Variants in RBFOX1 observed in about 807,000 individuals in gnomAD.
RBFOX1 encodes the protein RNA binding fox-1 homolog 1.
A neutral mutation model predicts 57.7 loss-of-function variants in RBFOX1; 8 were observed. That is an observed-to-expected ratio of 0.14 (90% CI 0.08 to 0.25). The LOEUF (loss-of-function observed/expected upper bound fraction) is 0.25. RBFOX1 is among the 10% of genes least tolerant of loss of function. The pLI is 1.00. For synonymous variants in RBFOX1, 326 were observed against 222.4 expected, an observed-to-expected ratio of 1.47 and a Z score of -4.15; for missense variants, 611 against 548.5, an observed-to-expected ratio of 1.11 and a Z score of -1.14.
At chr16:7,121,622 G>A (rs575947930) in intron 4 of RBFOX1, among the ~76,000 whole-genome samples, 2 of 152,050 alleles carry the variant, frequency 1.3e-5, no homozygotes, top group East Asian at 3.9e-4. Context: ...TATTAATTCT[G>A]TACAAATTGG....
intron 1 of RBFOX1, among the ~76,000 whole-genome samples, chr16:6,181,817 G>A (rs1198283220): frequency 1.3e-5 from 2 of 152,124 alleles, no homozygotes; most frequent in Non-Finnish European, 1.5e-5. Flanking sequence ...TAATTAAGAT[G>A]TATTTCTTCC....
chr16:7,544,178 A>G (rs1236598487), intron 5 of RBFOX1, among the ~76,000 whole-genome samples: 2 of 152,214 alleles, frequency 1.3e-5, no homozygotes, highest in Non-Finnish European at 2.9e-5. Context: ...TTGCTACATT[A>G]TATTTCACAC....
In RBFOX1 at chr16:7,474,689, G is replaced by A. The variant is rs539136499; in HGVS notation, c.28-43458G>A. 1.4e-4 allele frequency among the ~76,000 whole-genome samples: 21 copies of A among 152,298 alleles called. No individual in the cohort carries two copies. In the South Asian group the frequency reaches 3.3e-3, roughly 24 times the overall value. ...ACTTGTGTAACTCTGGGTAAGTTAC[G>A]AATATGCTTTCCCTTTCCAGTTCTT... On this transcript the variant is annotated intron_variant, in intron 4 of 15. Coordinates refer to ENST00000550418, the MANE Select transcript of RBFOX1 (RefSeq NM_018723.4).
At chr16:7,145,366 G>C (rs1462775741) in intron 4 of RBFOX1, among the ~76,000 whole-genome samples, 1 of 151,950 alleles carries the variant, frequency 6.6e-6, no homozygotes, top group Admixed American at 6.6e-5. Context: ...CACCACATCT[G>C]GTTCATTTTT....
intron 2 of RBFOX1, among the ~76,000 whole-genome samples, chr16:6,643,795 A>C (rs997055577): frequency 1.3e-5 from 2 of 150,802 alleles, no homozygotes; most frequent in African/African-American, 4.9e-5. Flanking sequence ...CTAAGGCTTG[A>C]ACTTATTCTC....
chr16:6,900,080 C>G (rs115195340), intron 3 of RBFOX1, among the ~76,000 whole-genome samples: 10 of 152,118 alleles, frequency 6.6e-5, no homozygotes, highest in Non-Finnish European at 1.0e-4. Context: ...TCATAAAATG[C>G]TTAGAACAGT....
At chr16:6,161,724 C>G (rs1401087067) in intron 1 of RBFOX1, among the ~76,000 whole-genome samples, 1 of 152,202 alleles carries the variant, frequency 6.6e-6, no homozygotes, top group African/African-American at 2.4e-5. Flanking sequence ...TCTACACACA[C>G]CTGGCTTACA....
chr16:5,670,563 C>A (rs192562273), intron 3 of RBFOX1, among the ~76,000 whole-genome samples: 15 of 152,342 alleles, frequency 9.8e-5, no homozygotes, highest in Admixed American at 9.8e-4. Flanking sequence ...CACTGTGATA[C>A]TGCCTGAGGT....
rs537920207 is a variant in RBFOX1, at chr16:7,370,531, C to T, written c.28-147616C>T. 8.8e-4 allele frequency among the ~76,000 whole-genome samples: 134 copies of T among 152,296 alleles called. 1 individual carries two copies. The highest frequency in any genetic ancestry group is 3.2e-3 in the African/African-American group (131 of 41,574). On this transcript the variant is annotated intron_variant, in intron 4 of 15. Coordinates refer to ENST00000550418, the MANE Select transcript of RBFOX1 (RefSeq NM_018723.4). Reference sequence around the variant, plus strand: ...TTCCCTTCTTCCCCCACGCTCCCTCCCCACTCTTTTTAACTCCTCTAAAGG... The same window carrying T: ...TTCCCTTCTTCCCCCACGCTCCCTCTCCACTCTTTTTAACTCCTCTAAAGG...
rs1245739423 is a variant in RBFOX1 at position 7,232,907 on chromosome 16, C to T, written c.27+180809C>T. Among the ~76,000 whole-genome samples the T allele has an allele frequency of 4.0e-5, 6 of 150,840 alleles. No homozygotes were observed. In the East Asian group the frequency reaches 5.9e-4, roughly 15 times the overall value. ...ACAGAAACAAAGAACTTACCTAGCA[C>T]ATGATGTTAGCAAACCCTGTCAAAT... On this transcript the variant is annotated intron_variant, in intron 4 of 15. Transcript: ENST00000550418.
intron 3 of RBFOX1, among the ~76,000 whole-genome samples, chr16:6,984,132 A>T (rs2089674801): frequency 1.3e-5 from 2 of 152,286 alleles, no homozygotes; most frequent in Admixed American, 6.5e-5. Flanking sequence ...TTGTAATCTC[A>T]GCAACTTGGG....
intron 6 of RBFOX1, among the ~76,000 whole-genome samples, chr16:7,584,086 C>T (rs992728430): frequency 2.8e-4 from 42 of 152,146 alleles, no homozygotes; most frequent in Non-Finnish European, 4.9e-4. Flanking sequence ...GCATTCTGAA[C>T]AGGAAGCTGA....
At chr16:7,499,971 C>T (rs949421792) in intron 4 of RBFOX1, among the ~76,000 whole-genome samples, 1 of 152,070 alleles carries the variant, frequency 6.6e-6, no homozygotes, top group Non-Finnish European at 1.5e-5. Context: ...TCCATATTTC[C>T]AAAAACCCCT....
At chr16:7,621,341 A>T (rs977598931) in intron 10 of RBFOX1, among the ~76,000 whole-genome samples, 1 of 151,898 alleles carries the variant, frequency 6.6e-6, no homozygotes, top group Non-Finnish European at 1.5e-5. Flanking sequence ...GTTCATTGCA[A>T]CCTCTGCCTC....
At chr16:6,735,147 TCAACAAAAACAACAA>T (rs1431560026) in intron 3 of RBFOX1, among the ~76,000 whole-genome samples, 1 of 151,588 alleles carries the variant, frequency 6.6e-6, no homozygotes, top group Non-Finnish European at 1.5e-5. Context: ...AGACCCTGTC[TCAACAAAAACAACAA>T]CAACATCAAC....
At chr16:5,679,898 G>C (rs1158930473) in intron 3 of RBFOX1, among the ~76,000 whole-genome samples, 1 of 152,048 alleles carries the variant, frequency 6.6e-6, no homozygotes, top group African/African-American at 2.4e-5. Context: ...TGTTTAGTCT[G>C]GTGCCTAGTG....
At chr16:5,762,564 C>T (rs758891788) in intron 3 of RBFOX1, among the ~76,000 whole-genome samples, 1 of 152,038 alleles carries the variant, frequency 6.6e-6, no homozygotes, top group African/African-American at 2.4e-5. Flanking sequence ...GAAATTTCCC[C>T]GCGGGGAATA....
intron 4 of RBFOX1, among the ~76,000 whole-genome samples, chr16:7,361,410 C>G (rs930970130): frequency 2.0e-5 from 3 of 152,196 alleles, no homozygotes; most frequent in African/African-American, 7.2e-5. Flanking sequence ...AAGAACGAGG[C>G]TGCGGCACTT....
chr16:5,928,996 A>C (rs2058992746), intron 4 of RBFOX1, among the ~76,000 whole-genome samples: 1 of 151,210 alleles, frequency 6.6e-6, no homozygotes, highest in African/African-American at 2.4e-5. Flanking sequence ...CTGGTCCCTA[A>C]GGCCACTTTC....
Sources: allele counts gnomAD v4.1 joint callset (sites outside exome capture counted in the v4.1 genomes callset), GRCh38; gene constraint gnomAD v4.1.1; transcripts MANE v1.5; gene names NCBI Gene and HGNC (gene_info 2026-07-23, HGNC 2026-07-21).